Variants in RAD51B observed in about 807,000 individuals in gnomAD.
The protein encoded by RAD51B is DNA repair protein RAD51 homolog 2.
RAD51B carries 38 observed loss-of-function variants against 42.2 expected under a neutral mutation model. The ratio of observed to expected loss-of-function variants is 0.90; its 90% CI spans 0.70 to 1.18. RAD51B has a LOEUF of 1.18. Among genes scored for constraint, RAD51B ranks in the 50% most tolerant of loss-of-function variants. RAD51B has a pLI of 0.00. For missense variants in RAD51B, 373 were observed against 400.7 expected (o/e 0.93, Z 0.59); for synonymous variants, 154 against 145.2 (o/e 1.06, Z -0.43).
At chr14:68,203,057 C>T (rs2079521245) in intron 7 of RAD51B, among the ~76,000 whole-genome samples, 1 of 152,118 alleles carries the variant, frequency 6.6e-6, no homozygotes, top group Non-Finnish European at 1.5e-5. Context: ...TTTAAAACTC[C>T]TGTTTATGCT....
chr14:68,271,078 C>G (rs951157035), intron 7 of RAD51B, among the ~76,000 whole-genome samples: 63 of 152,182 alleles, frequency 4.1e-4, no homozygotes, highest in Non-Finnish European at 4.7e-4. Flanking sequence ...CAACCTATTC[C>G]CACACCTTAA....
At chr14:68,229,879 C>T (rs1275618934) in intron 7 of RAD51B, among the ~76,000 whole-genome samples, 2 of 152,160 alleles carry the variant, frequency 1.3e-5, no homozygotes, top group East Asian at 3.8e-4. Context: ...TATCTTTGTG[C>T]CCTATCTTGC....
At chr14:68,495,262 A>G (rs1884416569) in intron 10 of RAD51B, among the ~76,000 whole-genome samples, 1 of 151,758 alleles carries the variant, frequency 6.6e-6, no homozygotes, top group African/African-American at 2.4e-5. Flanking sequence ...TGCCCACCCC[A>G]CTTGCTGGGG....
chr14:68,500,990 G>T (rs543664355), intron 10 of RAD51B, among the ~76,000 whole-genome samples: 80 of 152,322 alleles, frequency 5.3e-4, no homozygotes, highest in African/African-American at 1.9e-3. Context: ...CTGACTGTTT[G>T]GGGTCCCTGT....
chr14:67,960,095 A>AG (rs1305190681), intron 7 of RAD51B, among the ~76,000 whole-genome samples: 2 of 152,004 alleles, frequency 1.3e-5, no homozygotes, highest in African/African-American at 4.8e-5. Flanking sequence ...AAAAAAAAAA[A>AG]AGAAGTGTGT....
chr14:68,542,502 A>C (rs1282443033), intron 10 of RAD51B, among the ~76,000 whole-genome samples: 1 of 152,210 alleles, frequency 6.6e-6, no homozygotes, highest in Non-Finnish European at 1.5e-5. Flanking sequence ...TGCAAATTGT[A>C]GTGATTCATA....
intron 7 of RAD51B, among the ~76,000 whole-genome samples, chr14:67,891,191 G>C (rs549190559): frequency 6.6e-6 from 1 of 152,142 alleles, no homozygotes; most frequent in South Asian, 2.1e-4. Context: ...AAGGGGAGGA[G>C]TACCAGTTAA....
At chr14:68,644,892 T>C (rs988519052) in intron 10 of RAD51B, among the ~76,000 whole-genome samples, 5 of 152,266 alleles carry the variant, frequency 3.3e-5, no homozygotes, top group African/African-American at 1.2e-4. Flanking sequence ...GTTAGCATTT[T>C]GTAAGTTACT....
chr14:68,667,875 A>C (rs866915059), intron 11 of RAD51B, among the ~76,000 whole-genome samples: 1 of 152,170 alleles, frequency 6.6e-6, no homozygotes, highest in Non-Finnish European at 1.5e-5. Context: ...ATCCCCAAAA[A>C]CTAAGGATGT....
At chr14:68,285,270 T>C (rs1267344145) in intron 7 of RAD51B, among the ~76,000 whole-genome samples, 1 of 152,216 alleles carries the variant, frequency 6.6e-6, no homozygotes. Flanking sequence ...ATTTCTGACT[T>C]ATCCCAGGCC....
At chr14:68,559,363 A>G (rs899780609) in intron 10 of RAD51B, among the ~76,000 whole-genome samples, 12 of 151,002 alleles carry the variant, frequency 7.9e-5, no homozygotes, top group Admixed American at 2.0e-4. Context: ...TTAACCTGTG[A>G]TTAATACACA....
At chr14:68,210,501 A>G (rs2079684128) in intron 7 of RAD51B, among the ~76,000 whole-genome samples, 2 of 152,098 alleles carry the variant, frequency 1.3e-5, no homozygotes, top group Non-Finnish European at 2.9e-5. Flanking sequence ...ATGTATATAC[A>G]TGACCAGGCC....
intron 8 of RAD51B, among the ~76,000 whole-genome samples, chr14:68,303,042 G>A (rs2081779252): frequency 6.6e-6 from 1 of 152,164 alleles, no homozygotes; most frequent in African/African-American, 2.4e-5. Flanking sequence ...TCCTCATGCT[G>A]ATCAGTTTGA....
At position 68,090,359 on chromosome 14, in the gene RAD51B, A is replaced by G. The variant is rs552880251; in HGVS notation, c.757-201525A>G. Among the ~76,000 whole-genome samples, 11 of 152,344 alleles carry G rather than the reference A, an allele frequency of 7.2e-5. No individual in the cohort carries two copies. The South Asian group carries it at 2.3e-3, about 32-fold the overall frequency. Reference sequence around the variant, plus strand: ...CAACTCTCTTATCCTTCATTTTTACATCATAGTTACAGTAACAGGTTAAGA... The same window carrying G: ...CAACTCTCTTATCCTTCATTTTTACGTCATAGTTACAGTAACAGGTTAAGA... On this transcript the variant is annotated intron_variant, in intron 7 of 10. Transcript: ENST00000471583.
At chr14:68,292,896 C>T (rs1258388029) in intron 8 of RAD51B, among the ~76,000 whole-genome samples, 1 of 152,190 alleles carries the variant, frequency 6.6e-6, no homozygotes. Context: ...ACGCTCCTTC[C>T]AAGTTCAGGG....
At chr14:68,503,144 C>A (rs1327912948) in intron 10 of RAD51B, among the ~76,000 whole-genome samples, 2 of 152,180 alleles carry the variant, frequency 1.3e-5, no homozygotes, top group African/African-American at 4.8e-5. Flanking sequence ...CCACTGTGTG[C>A]TCTCTCAAAA....
intron 7 of RAD51B, among the ~76,000 whole-genome samples, chr14:67,904,553 C>T (rs545799852): frequency 6.9e-6 from 1 of 145,776 alleles, no homozygotes; most frequent in South Asian, 2.1e-4. Context: ...GCTCTGTTGC[C>T]AGGCTGGTGT....
intron 7 of RAD51B, among the ~76,000 whole-genome samples, chr14:68,239,467 C>A (rs1055427792): frequency 6.6e-6 from 1 of 152,160 alleles, no homozygotes; most frequent in Non-Finnish European, 1.5e-5. Flanking sequence ...CCTGCTCCAG[C>A]CTCAGCCTCT....
At chr14:68,378,685 CT>C (rs577901642) in intron 8 of RAD51B, among the ~76,000 whole-genome samples, 1,760 of 141,196 alleles carry the variant, frequency 0.012, 30 homozygotes, top group African/African-American at 0.042. Flanking sequence ...TTTTTCATTG[CT>C]TTTTTTTTTT....
Sources: gnomAD v4.1 joint callset for allele counts (sites outside exome capture counted in the v4.1 genomes callset) on GRCh38, gnomAD v4.1.1 for gene constraint, MANE v1.5 for transcripts, NCBI Gene and HGNC (gene_info 2026-07-23, HGNC 2026-07-21) for gene names.